Variants in SLCO1C1 observed in about 807,000 individuals in gnomAD.
The protein encoded by SLCO1C1 is OAT-RP-5.
A neutral mutation model predicts 76.4 loss-of-function variants in SLCO1C1; 70 were observed. The ratio of observed to expected loss-of-function variants is 0.92; its 90% CI spans 0.76 to 1.12. The LOEUF (loss-of-function observed/expected upper bound fraction) is 1.12. SLCO1C1 is among the 50% of genes most tolerant of loss of function. SLCO1C1 has a pLI of 0.00. For synonymous variants in SLCO1C1, 306 were observed against 286.1 expected, an observed-to-expected ratio of 1.07 and a Z score of -0.70; for missense variants, 912 against 823.8, an observed-to-expected ratio of 1.11 and a Z score of -1.31.
chr12:20,721,286 T>C (rs796794794), intron 7 of SLCO1C1, among the ~76,000 whole-genome samples: 6 of 152,308 alleles, frequency 3.9e-5, no homozygotes, highest in African/African-American at 1.4e-4. Flanking sequence ...AGCTGATCTA[T>C]GTGGCAAGCT....
chr12:20,724,905 CAATT>C (rs571161416), intron 9 of SLCO1C1, among the ~76,000 whole-genome samples: 44 of 143,102 alleles, frequency 3.1e-4, no homozygotes, highest in African/African-American at 1.1e-3. Context: ...ATTATACATA[CAATT>C]ATTTATAATA....
chr12:20,727,553 A>G (rs1948076061), intron 9 of SLCO1C1, among the ~76,000 whole-genome samples: 2 of 152,230 alleles, frequency 1.3e-5, no homozygotes, highest in Non-Finnish European at 2.9e-5. Context: ...TCTGTCACCC[A>G]GGCTGGAGTG....
At chr12:20,702,929 C>G (rs1414349238) in intron 3 of SLCO1C1, among the ~76,000 whole-genome samples, 1 of 151,762 alleles carries the variant, frequency 6.6e-6, no homozygotes, top group Non-Finnish European at 1.5e-5. Flanking sequence ...GCTCCCAGGT[C>G]CTGATGCAAC....
chr12:20,737,940 G>C (rs1205091391), intron 11 of SLCO1C1, among the ~76,000 whole-genome samples: 1 of 152,092 alleles, frequency 6.6e-6, no homozygotes, highest in Non-Finnish European at 1.5e-5. Flanking sequence ...TCATAGTTCT[G>C]GATGATGGGA....
chr12:20,719,361 C>T (rs1358136926), intron 7 of SLCO1C1, among the ~76,000 whole-genome samples: 3 of 152,052 alleles, frequency 2.0e-5, no homozygotes, highest in African/African-American at 7.2e-5. Context: ...CTACAATGAC[C>T]TCTAGGTGTT....
At chr12:20,733,710 C>T (rs1948404249) in intron 10 of SLCO1C1, among the ~76,000 whole-genome samples, 2 of 152,234 alleles carry the variant, frequency 1.3e-5, no homozygotes, top group African/African-American at 2.4e-5. Context: ...CCAGTGTTCC[C>T]CATAAAAGTT....
chr12:20,730,907 G>A (rs969516578), intron 9 of SLCO1C1, among the ~76,000 whole-genome samples: 7 of 152,202 alleles, frequency 4.6e-5, no homozygotes, highest in African/African-American at 9.6e-5. Context: ...GGGGGCTGCC[G>A]GCACTAGGGG....
intron 11 of SLCO1C1, among the ~76,000 whole-genome samples, chr12:20,739,045 A>T (rs940076834): frequency 6.6e-6 from 1 of 152,244 alleles, no homozygotes; most frequent in Non-Finnish European, 1.5e-5. Context: ...AAATTTACAG[A>T]AATAAACTAT....
intron 8 of SLCO1C1, 31 bp from the exon 9 acceptor site, chr12:20,723,059 T>C: frequency 6.3e-7 from 1 of 1,585,362 alleles, no homozygotes; most frequent in Non-Finnish European, 8.6e-7. Context: ...GACACCAACT[T>C]TAATTAGTCT....
intron 7 of SLCO1C1, among the ~76,000 whole-genome samples, 181 bp downstream of exon 7, chr12:20,717,411 G>A (rs1050715450): frequency 3.3e-5 from 5 of 151,776 alleles, no homozygotes; most frequent in Non-Finnish European, 7.4e-5. Context: ...TGAAAAATAG[G>A]TGATAATTAG....
Position 20,723,189 on chromosome 12 carries a change from C to T in SLCO1C1, c.1121C>T (p.Thr374Met), listed in dbSNP as rs565521634. 2.7e-5 allele frequency: 44 copies of T among 1,614,084 alleles called. No individual in the cohort carries two copies. Among genetic ancestry groups the T allele is most frequent in the Middle Eastern group, 1.7e-4 (1 of 6,060 alleles). The change falls in exon 9 of 15, where the codon ACG becomes ATG. Residue 374 changes from threonine to methionine, a missense_variant. By Grantham distance (81) the Thr-to-Met change is moderately conservative. Transcript: ENST00000266509. ...TTCAATTCTCTGTTCGGCATGGTGACGTACAAACCAAAGTACATTGAGCAG... is the reference window on the plus strand; with the variant it reads ...TTCAATTCTCTGTTCGGCATGGTGATGTACAAACCAAAGTACATTGAGCAG... ...VQFNSLFGMV[T>M]YKPKYIEQQY...
At chr12:20,708,660 A>G (rs1952548474) in intron 4 of SLCO1C1, among the ~76,000 whole-genome samples, 1 of 152,198 alleles carries the variant, frequency 6.6e-6, no homozygotes, top group South Asian at 2.1e-4. Flanking sequence ...TTTCTTCAGC[A>G]GGAGGAAGTC....
At chr12:20,723,458 TATC>T (rs1411517145) in intron 9 of SLCO1C1, among the ~76,000 whole-genome samples, 2 of 152,160 alleles carry the variant, frequency 1.3e-5, no homozygotes, top group Non-Finnish European at 2.9e-5. Flanking sequence ...CTTGAAGTGA[TATC>T]ATAGAGATGA....
At chr12:20,740,417 C>A (rs373688341) in intron 12 of SLCO1C1, 49 bp downstream of exon 12, 2 of 1,521,958 alleles carry the variant, frequency 1.3e-6, no homozygotes, top group African/African-American at 2.8e-5. Flanking sequence ...ACACAATCAT[C>A]TCGAGCAATG....
At chr12:20,727,481 T>C (rs1948071936) in intron 9 of SLCO1C1, among the ~76,000 whole-genome samples, 1 of 152,180 alleles carries the variant, frequency 6.6e-6, no homozygotes. Context: ...CATATCTTTG[T>C]TAGCTGCTTA....
At chr12:20,713,203 C>T (rs922886180) in intron 5 of SLCO1C1, among the ~76,000 whole-genome samples, 15 of 151,598 alleles carry the variant, frequency 9.9e-5, no homozygotes, top group African/African-American at 3.6e-4. Context: ...CCTCAGCCTC[C>T]CGAGTAGCTG....
chr12:20,714,783 CT>C (rs1368464957), intron 5 of SLCO1C1, among the ~76,000 whole-genome samples: 1 of 152,104 alleles, frequency 6.6e-6, no homozygotes, highest in East Asian at 1.9e-4. Context: ...GTGAGAAAGA[CT>C]TTGTTCAAAA....
At chr12:20,706,653 T>TA (rs1946793311) in intron 4 of SLCO1C1, among the ~76,000 whole-genome samples, 1 of 152,192 alleles carries the variant, frequency 6.6e-6, no homozygotes, top group African/African-American at 2.4e-5. Flanking sequence ...TTTTTACCCT[T>TA]ATAGCAACCT....
At chr12:20,751,441 G>A (rs939493841) in intron 14 of SLCO1C1, among the ~76,000 whole-genome samples, 1 of 152,082 alleles carries the variant, frequency 6.6e-6, no homozygotes, top group African/African-American at 2.4e-5. Context: ...AAGCAAGAAA[G>A]ATTGTTTAAA....
Sources: allele counts gnomAD v4.1 joint callset (sites outside exome capture counted in the v4.1 genomes callset), GRCh38; gene constraint gnomAD v4.1.1; transcripts MANE v1.5; gene names NCBI Gene and HGNC (gene_info 2026-07-23, HGNC 2026-07-21).